The following CPA6 variants were observed in gnomAD, a reference collection of about 807,000 sequenced individuals.
CPA6 encodes the protein carboxypeptidase A6.
A neutral mutation model predicts 63.3 loss-of-function variants in CPA6; 58 were observed. The ratio of observed to expected loss-of-function variants is 0.92; its 90% CI spans 0.74 to 1.14. The LOEUF is 1.14. Among genes scored for constraint, CPA6 ranks in the 50% most tolerant of loss-of-function variants. The probability of loss-of-function intolerance (pLI) is 0.00; values close to 1 mark genes in which losing one functional copy is unlikely to be tolerated. For missense variants in CPA6, 565 were observed against 526.6 expected (o/e 1.07, Z -0.71); for synonymous variants, 185 against 179.0 (o/e 1.03, Z -0.27).
chr8:67,674,054 A>C (rs1563387796), intron 1 of CPA6, among the ~76,000 whole-genome samples: 2 of 152,182 alleles, frequency 1.3e-5, no homozygotes, highest in Non-Finnish European at 2.9e-5. Context: ...TCATAGAACA[A>C]TCCTATGATG....
intron 2 of CPA6, among the ~76,000 whole-genome samples, chr8:67,545,637 G>A (rs182305980): frequency 3.4e-5 from 5 of 145,784 alleles, no homozygotes; most frequent in East Asian, 2.0e-4. Context: ...GCGTGATCTC[G>A]GCTCACTGCA....
chr8:67,626,141 A>G (rs920476497), intron 1 of CPA6, among the ~76,000 whole-genome samples: 2 of 152,160 alleles, frequency 1.3e-5, no homozygotes, highest in African/African-American at 4.8e-5. Context: ...AGCCTGTGGA[A>G]CTGTGAGTTG....
At chr8:67,512,292 A>G (rs1404491654) in intron 3 of CPA6, among the ~76,000 whole-genome samples, 1 of 152,146 alleles carries the variant, frequency 6.6e-6, no homozygotes, top group African/African-American at 2.4e-5. Flanking sequence ...TCCATCACCA[A>G]GAGACTATGC....
At chr8:67,743,635 A>AT (rs34308089) in intron 1 of CPA6, among the ~76,000 whole-genome samples, 9,331 of 150,044 alleles carry the variant, frequency 0.062, 368 homozygotes, top group Non-Finnish European at 0.087. Context: ...TCCCAAGGCA[A>AT]TTTTTTTTTT....
Position 67,604,275 on chromosome 8 carries a change from T to C in CPA6, c.192+19901A>G, listed in dbSNP as rs148890831. Among the ~76,000 whole-genome samples, 251 of 152,312 alleles carry C rather than the reference T, an allele frequency of 1.6e-3. 2 individuals carry two copies. The highest frequency in any genetic ancestry group is 0.015 in the Admixed American group (226 of 15,296). ...AAAATAGAAGGAACACATCTGGTTG[T>C]GGCAGTTAGCAAAAGCTTTCTGATG... On this transcript the variant is annotated intron_variant, in intron 2 of 10. Transcript: ENST00000297770.
intron 1 of CPA6, among the ~76,000 whole-genome samples, chr8:67,631,372 G>A (rs552165361): frequency 6.6e-6 from 1 of 152,318 alleles, no homozygotes; most frequent in African/African-American, 2.4e-5. Context: ...AGCACTCTGT[G>A]TCTAGCTAAA....
intron 2 of CPA6, among the ~76,000 whole-genome samples, chr8:67,522,062 G>A (rs1422457286): frequency 6.6e-6 from 1 of 152,146 alleles, no homozygotes; most frequent in Non-Finnish European, 1.5e-5. Flanking sequence ...CGATCTTCAT[G>A]CCAAACACAG....
intron 2 of CPA6, among the ~76,000 whole-genome samples, chr8:67,532,451 G>A (rs1812497503): frequency 1.3e-5 from 2 of 152,104 alleles, no homozygotes; most frequent in South Asian, 4.1e-4. Flanking sequence ...GCTGAGGCAG[G>A]CAATTACTTG....
intron 8 of CPA6, among the ~76,000 whole-genome samples, chr8:67,475,420 A>T (rs1205082015): frequency 6.6e-6 from 1 of 152,258 alleles, no homozygotes; most frequent in Non-Finnish European, 1.5e-5. Context: ...TGCTACAAAC[A>T]CATCTAAAAT....
intron 2 of CPA6, among the ~76,000 whole-genome samples, chr8:67,563,946 G>A (rs1329241551): frequency 6.6e-6 from 1 of 152,108 alleles, no homozygotes; most frequent in African/African-American, 2.4e-5. Flanking sequence ...GTAGCTCATT[G>A]ATAAGTTGCC....
At chr8:67,544,320 T>C (rs1271178584) in intron 2 of CPA6, among the ~76,000 whole-genome samples, 2 of 152,188 alleles carry the variant, frequency 1.3e-5, no homozygotes, top group South Asian at 2.1e-4. Flanking sequence ...CAATTCATTG[T>C]TACAGGAAGG....
intron 1 of CPA6, among the ~76,000 whole-genome samples, chr8:67,721,570 T>C (rs1268366349): frequency 6.6e-6 from 1 of 152,134 alleles, no homozygotes; most frequent in Non-Finnish European, 1.5e-5. Context: ...ACAATATAAC[T>C]AGTATCAGGA....
intron 8 of CPA6, among the ~76,000 whole-genome samples, chr8:67,450,217 CAT>C (rs1810525202): frequency 6.6e-6 from 1 of 152,148 alleles, no homozygotes; most frequent in African/African-American, 2.4e-5. Flanking sequence ...ACTACATAAA[CAT>C]AGTGTTTTGA....
At chr8:67,551,933 A>C in intron 2 of CPA6, among the ~76,000 whole-genome samples, 1 of 152,240 alleles carries the variant, frequency 6.6e-6, no homozygotes, top group Non-Finnish European at 1.5e-5. Context: ...TAATGATGGC[A>C]GCTGATGAAA....
At chr8:67,504,785 G>T (rs1811894937) in intron 6 of CPA6, among the ~76,000 whole-genome samples, 1 of 152,176 alleles carries the variant, frequency 6.6e-6, no homozygotes, top group Non-Finnish European at 1.5e-5. Context: ...TGGTAAAGTG[G>T]AGGAGGAAAT....
intron 6 of CPA6, among the ~76,000 whole-genome samples, chr8:67,498,973 A>T (rs1811779400): frequency 6.6e-6 from 1 of 152,244 alleles, no homozygotes; most frequent in African/African-American, 2.4e-5. Context: ...TATATCTGGC[A>T]TTTAAAAAAT....
intron 6 of CPA6, among the ~76,000 whole-genome samples, chr8:67,490,444 G>A (rs1811578978): frequency 6.6e-6 from 1 of 152,142 alleles, no homozygotes; most frequent in African/African-American, 2.4e-5. Flanking sequence ...AAAGCCAGTT[G>A]CAAAACAATG....
intron 2 of CPA6, among the ~76,000 whole-genome samples, chr8:67,571,543 G>T (rs1223089298): frequency 6.6e-6 from 1 of 151,860 alleles, no homozygotes; most frequent in Admixed American, 6.6e-5. Context: ...ACTAACAACA[G>T]GAGAAATTTC....
At chr8:67,515,025 T>C (rs1355218102) in intron 3 of CPA6, among the ~76,000 whole-genome samples, 4 of 152,216 alleles carry the variant, frequency 2.6e-5, no homozygotes, top group African/African-American at 9.7e-5. Flanking sequence ...GTCACTGCCA[T>C]TTGGCAACCC....
Sources: allele counts gnomAD v4.1 joint callset (sites outside exome capture counted in the v4.1 genomes callset), GRCh38; gene constraint gnomAD v4.1.1; transcripts MANE v1.5; gene names NCBI Gene and HGNC (gene_info 2026-07-23, HGNC 2026-07-21).